The following PEDS1 variants were observed in gnomAD, a reference collection of about 807,000 sequenced individuals.
PEDS1 encodes the protein plasmanylethanolamine desaturase 1.
PEDS1 carries 14 observed loss-of-function variants against 35.2 expected under a neutral mutation model. The observed-to-expected ratio is 0.40, with a 90% CI of 0.26 to 0.62. The LOEUF (loss-of-function observed/expected upper bound fraction) is 0.62. Among genes scored for constraint, PEDS1 ranks in the 20% least tolerant of loss-of-function variants. PEDS1 has a pLI of 0.44. For synonymous variants in PEDS1, 152 were observed against 152.0 expected (o/e 1.00, Z 0.00); for missense variants, 260 against 367.8 (o/e 0.71, Z 2.40).
At chr20:50,143,459 C>T (rs1470127120) in intron 2 of PEDS1, 43 bp downstream of exon 2, 2 of 1,577,460 alleles carry the variant, frequency 1.3e-6, no homozygotes, top group Non-Finnish European at 8.6e-7. Context: ...GGTCCCTGGC[C>T]CCTAGGGAAG....
At chr20:50,134,465 T>C (rs2081211514) in intron 2 of PEDS1, among the ~76,000 whole-genome samples, 1 of 152,086 alleles carries the variant, frequency 6.6e-6, no homozygotes, top group African/African-American at 2.4e-5. Flanking sequence ...GAGAATGGCT[T>C]GAACCTGGGA....
At chr20:50,148,551 G>C (rs1477842393) in intron 1 of PEDS1, among the ~76,000 whole-genome samples, 2 of 152,208 alleles carry the variant, frequency 1.3e-5, no homozygotes, top group African/African-American at 2.4e-5. Flanking sequence ...TGGGGAGCTA[G>C]GAAGAGCAGG....
chr20:50,119,138 T>TCGTGG lies in PEDS1; in HGVS notation c.*5919_*5920insCCACG, dbSNP rs2081030366. On this transcript the variant is annotated 3_prime_UTR_variant, in exon 6 of 6. Coordinates refer to ENST00000371652, the MANE Select transcript of PEDS1 (RefSeq NM_199129.4). ...CTCTGGAAGACAATTTGGTATGCAC[T>TCGTGG]ATCAAAATTTAAAACACACTCGTGG... is the stretch of plus-strand genomic sequence containing the variant. 1.3e-5 allele frequency: 2 copies of TCGTGG among 152,092 alleles called. No homozygotes were observed. 9.4% of individuals were successfully genotyped at this position (152,092 alleles called of 1,614,324 possible). A position where few individuals can be genotyped will look rare whatever the true frequency, so the allele number is the denominator to read the frequency against.
chr20:50,131,616 C>T (rs142623419), intron 2 of PEDS1, among the ~76,000 whole-genome samples: 2 of 150,224 alleles, frequency 1.3e-5, no homozygotes, highest in African/African-American at 2.5e-5. Context: ...AGTGAGACTC[C>T]GTCTCAAAAA....
chr20:50,147,878 G>T (rs1184643605), intron 1 of PEDS1, among the ~76,000 whole-genome samples: 1 of 119,436 alleles, frequency 8.4e-6, no homozygotes, highest in Non-Finnish European at 1.7e-5. Flanking sequence ...CATGAACATG[G>T]TGAAACCCCG....
chr20:50,130,230 G>T (rs893851069), intron 3 of PEDS1, among the ~76,000 whole-genome samples: 1 of 152,192 alleles, frequency 6.6e-6, no homozygotes, highest in African/African-American at 2.4e-5. Flanking sequence ...AGTGAGCCGT[G>T]GGACTTCAGT....
Position 50,130,719 on chromosome 20 carries a change from A to G in PEDS1, c.333+137T>C. 2.7e-6 allele frequency: 3 copies of G among 1,102,750 alleles called. No homozygotes were observed. In the South Asian group the frequency reaches 4.7e-5, roughly 17 times the overall value. The allele number at this position is 1,102,750 out of a possible 1,614,324, so 68.3% of individuals were successfully genotyped here. A position where few individuals can be genotyped will look rare whatever the true frequency, so the allele number is the denominator to read the frequency against. On this transcript the variant is annotated intron_variant, in intron 3 of 5. Coordinates refer to ENST00000371652, the MANE Select transcript of PEDS1 (RefSeq NM_199129.4). ...GGGACTCCTGTTCTAGTCTTGCAGC[A>G]CAGGGGTGAGGGACAGGCTGCAATG...
Position 50,128,030 on chromosome 20 carries a change from T to A in PEDS1, c.636A>T (p.Lys212Asn), listed in dbSNP as rs748709433. ...LQDWHVILPRKHHRIHHVSPH... is the reference protein window; with the variant it reads ...LQDWHVILPRNHHRIHHVSPH... ...GTGAGACGTGGTGGATGCGATGGTG[T>A]TTACGTGGCAGGATGACATGCCAGT... Residue 212 changes from lysine to asparagine, a missense_variant, in exon 5 of 6, where the codon AAA (lysine) becomes AAT (asparagine). Transcript: ENST00000371652. The surrounding 1 kb of genome is among the most constrained non-coding windows in gnomAD (Gnocchi z 5.2). 1 of 1,613,948 alleles carries A rather than the reference T, an allele frequency of 6.2e-7. No homozygotes were observed. The highest frequency in any genetic ancestry group is 1.3e-5 in the African/African-American group (1 of 74,890).
chr20:50,151,344 G>T, intron 1 of PEDS1: 1 of 1,265,344 alleles, frequency 7.9e-7, no homozygotes, highest in Non-Finnish European at 1.0e-6. Flanking sequence ...GGACAAATAT[G>T]CAATTGATCG....
chr20:50,139,682 T>G (rs966429888), intron 2 of PEDS1, among the ~76,000 whole-genome samples: 1 of 144,462 alleles, frequency 6.9e-6, no homozygotes, highest in Non-Finnish European at 1.5e-5. Context: ...TTTCTTTCTT[T>G]TTTTTTTTTT....
intron 1 of PEDS1, among the ~76,000 whole-genome samples, chr20:50,144,479 C>G (rs562568108): frequency 6.6e-6 from 1 of 152,124 alleles, no homozygotes; most frequent in Non-Finnish European, 1.5e-5. Context: ...AAAAGTATGG[C>G]GTGTGGGCCA....
chr20:50,149,337 TGGG>T (rs780830773), intron 1 of PEDS1, among the ~76,000 whole-genome samples: 14 of 151,912 alleles, frequency 9.2e-5, no homozygotes, highest in Non-Finnish European at 1.8e-4. Flanking sequence ...TTGGCCTGGG[TGGG>T]GTACAGGTGG....
At chr20:50,146,250 C>A (rs1240443122) in intron 1 of PEDS1, among the ~76,000 whole-genome samples, 1 of 152,130 alleles carries the variant, frequency 6.6e-6, no homozygotes, top group Non-Finnish European at 1.5e-5. Context: ...CAGATCTCAC[C>A]CTGGAAACCT....
In PEDS1 at chr20:50,121,565, T is replaced by A. The variant is rs539290939; in HGVS notation, c.*3493A>T. 1 of 152,338 alleles carries A rather than the reference T, an allele frequency of 6.6e-6. No individual in the cohort carries two copies. The highest frequency in any genetic ancestry group is 6.5e-5 in the Admixed American group (1 of 15,288). 9.4% of individuals were successfully genotyped at this position (152,338 alleles called of 1,614,324 possible). A position where few individuals can be genotyped will look rare whatever the true frequency, so the allele number is the denominator to read the frequency against. On this transcript the variant is annotated 3_prime_UTR_variant, in exon 6 of 6. Transcript: ENST00000371652. Reference sequence around the variant, plus strand: ...GTGCTCAGTAATATTAAGTAGCATTTTCCCCTGTCTGGCCCTCATAGGCAC... The same window carrying A: ...GTGCTCAGTAATATTAAGTAGCATTATCCCCTGTCTGGCCCTCATAGGCAC...
intron 2 of PEDS1, among the ~76,000 whole-genome samples, chr20:50,141,043 C>G (rs1009053048): frequency 5.9e-5 from 9 of 152,152 alleles, no homozygotes; most frequent in African/African-American, 1.9e-4. Context: ...AGATAGTGAC[C>G]TACCTGGGAC....
chr20:50,133,444 G>A (rs1413272477), intron 2 of PEDS1, among the ~76,000 whole-genome samples: 1 of 152,146 alleles, frequency 6.6e-6, no homozygotes, highest in Non-Finnish European at 1.5e-5. Context: ...CACAGTGGCT[G>A]GGCTGAGGTA....
rs1300558152 is a variant in PEDS1, at chr20:50,128,987, C to T, written c.478+559G>A. ...TACACGTCCTCACCACCTCTACCCA[C>T]CGGAGGCTGCCTGAAGAACAAATGG... is the stretch of plus-strand genomic sequence containing the variant. On this transcript the variant is annotated intron_variant, in intron 4 of 5. Coordinates refer to ENST00000371652, the MANE Select transcript of PEDS1 (RefSeq NM_199129.4). This position sits in a 1 kb window ranked among gnomAD's most constrained non-coding sequence, Gnocchi z 5.2. Among the ~76,000 whole-genome samples the T allele has an allele frequency of 1.3e-5, 2 of 152,230 alleles. No homozygotes were observed. The highest frequency in any genetic ancestry group is 6.5e-5 in the Admixed American group (1 of 15,290).
chr20:50,145,986 C>A (rs2081341559), intron 1 of PEDS1, among the ~76,000 whole-genome samples: 1 of 152,162 alleles, frequency 6.6e-6, no homozygotes, highest in African/African-American at 2.4e-5. Context: ...CTCCTAAGAT[C>A]CCGCTCTCGC....
chr20:50,144,811 A>T (rs1396907614), intron 1 of PEDS1, among the ~76,000 whole-genome samples: 1 of 151,538 alleles, frequency 6.6e-6, no homozygotes, highest in Non-Finnish European at 1.5e-5. Flanking sequence ...CATTTATGTT[A>T]AAAAAAAATC....
Sources: allele counts gnomAD v4.1 joint callset (sites outside exome capture counted in the v4.1 genomes callset), GRCh38; gene constraint gnomAD v4.1.1; non-coding constraint Gnocchi (gnomAD v3.1); transcripts MANE v1.5; gene names NCBI Gene and HGNC (gene_info 2026-07-23, HGNC 2026-07-21).